The following HS6ST1 variants were observed in gnomAD, a reference collection of about 807,000 sequenced individuals.
HS6ST1 encodes the protein heparan-sulfate 6-O-sulfotransferase 1.
A neutral mutation model predicts 25.2 loss-of-function variants in HS6ST1; 3 were observed. The observed-to-expected ratio is 0.12, with a 90% CI of 0.05 to 0.31. The LOEUF (loss-of-function observed/expected upper bound fraction) is 0.31, where lower values mean the gene tolerates loss of function less well. Among genes scored for constraint, HS6ST1 ranks in the 10% least tolerant of loss-of-function variants. HS6ST1 has a pLI of 1.00. For synonymous variants in HS6ST1, 204 were observed against 275.1 expected (o/e 0.74, Z 2.56); for missense variants, 310 against 609.6 (o/e 0.51, Z 5.18).
chr2:128,291,855 G>A (rs1280035387), intron 1 of HS6ST1, among the ~76,000 whole-genome samples: 2 of 152,232 alleles, frequency 1.3e-5, no homozygotes, highest in Non-Finnish European at 1.5e-5. Context: ...TCTTCCCCAA[G>A]GGCATACACA....
At chr2:128,276,396 A>G (rs1476049561) in intron 1 of HS6ST1, among the ~76,000 whole-genome samples, 2 of 152,148 alleles carry the variant, frequency 1.3e-5, no homozygotes, top group East Asian at 3.9e-4. Flanking sequence ...TCGGCCTCCC[A>G]AAGTGTTGGG....
chr2:128,305,624 C>T (rs541771180), intron 1 of HS6ST1, among the ~76,000 whole-genome samples: 1 of 152,350 alleles, frequency 6.6e-6, no homozygotes, highest in Non-Finnish European at 1.5e-5. Context: ...CACTCTGGGG[C>T]CTACCTTCTC....
chr2:128,308,798 C>T (rs1694248179), intron 1 of HS6ST1, among the ~76,000 whole-genome samples: 1 of 152,236 alleles, frequency 6.6e-6, no homozygotes, highest in Non-Finnish European at 1.5e-5. Context: ...ACCCAACCTG[C>T]ACAGACTTCA....
At chr2:128,269,528 G>A (rs1223423436) in intron 1 of HS6ST1, among the ~76,000 whole-genome samples, 3 of 152,252 alleles carry the variant, frequency 2.0e-5, no homozygotes, top group African/African-American at 7.2e-5. Context: ...CGCGGCAGGA[G>A]CCCAGCATGA....
chr2:128,306,919 G>A (rs1282920070), intron 1 of HS6ST1, among the ~76,000 whole-genome samples: 1 of 152,296 alleles, frequency 6.6e-6, no homozygotes, highest in African/African-American at 2.4e-5. Flanking sequence ...CTGTCATGGG[G>A]GGAGGCTGAG....
Position 128,268,601 on chromosome 2 carries a change from G to A in HS6ST1, c.797C>T (p.Ser266Phe). 6.2e-7 allele frequency: 1 copy of A among 1,606,844 alleles called. No individual in the cohort carries two copies. The highest frequency in any genetic ancestry group is 1.1e-5 in the South Asian group (1 of 90,680). Residue 266 changes from serine to phenylalanine, a missense_variant, in exon 2 of 2, where the codon TCC becomes TTC. Around this residue, in one of 5 missense-constraint regions of HS6ST1, gnomAD observed 98 missense variants for 270.3 expected, o/e 0.36. Coordinates refer to ENST00000259241, the MANE Select transcript of HS6ST1 (RefSeq NM_004807.3). ...GGCCCGCTTGCCCTCGGGGATGAAG[G>A]ACAGGTTGTAGCAGCCCACCAGGCT... ...DLSLVGCYNL[S>F]FIPEGKRAQL...
In HS6ST1 at chr2:128,298,843, A is replaced by G. The variant is rs138197586; in HGVS notation, c.527+19194T>C. Among the ~76,000 whole-genome samples, 287 of 152,356 alleles carry G rather than the reference A, an allele frequency of 1.9e-3. 3 individuals are homozygous for G. Among genetic ancestry groups the G allele is most frequent in the African/African-American group, 6.5e-3 (272 of 41,584 alleles). ...ATACTTCACCACAATAAAAAACAAAAAAAGGCTTTCCCACAACGAGTGTCC... is the reference window on the plus strand; with the variant it reads ...ATACTTCACCACAATAAAAAACAAAGAAAGGCTTTCCCACAACGAGTGTCC... On this transcript the variant is annotated intron_variant, in intron 1 of 1. Transcript: ENST00000259241.
chr2:128,301,768 C>T (rs1186556065), intron 1 of HS6ST1, among the ~76,000 whole-genome samples: 2 of 152,150 alleles, frequency 1.3e-5, no homozygotes, highest in African/African-American at 4.8e-5. Flanking sequence ...TGGTTTGAAG[C>T]CTGCAGCTGA....
At chr2:128,272,167 AG>A (rs1002475568) in intron 1 of HS6ST1, among the ~76,000 whole-genome samples, 29 of 152,260 alleles carry the variant, frequency 1.9e-4, no homozygotes, top group Non-Finnish European at 3.8e-4. Flanking sequence ...TCTGCCGTGG[AG>A]GGGCTGGAGC....
chr2:128,270,081 G>T (rs924730034), intron 1 of HS6ST1, among the ~76,000 whole-genome samples: 3 of 152,224 alleles, frequency 2.0e-5, no homozygotes, highest in African/African-American at 7.2e-5. Flanking sequence ...CCCCAGGGGT[G>T]GCAGCTCTGA....
chr2:128,294,754 A>G (rs1276695566), intron 1 of HS6ST1, among the ~76,000 whole-genome samples: 1 of 151,448 alleles, frequency 6.6e-6, no homozygotes, highest in Non-Finnish European at 1.5e-5. Context: ...CCACCCTCCC[A>G]CACCCAGGCT....
intron 1 of HS6ST1, among the ~76,000 whole-genome samples, chr2:128,282,690 T>TGCCCCA (rs1300943063): frequency 6.6e-6 from 1 of 152,168 alleles, no homozygotes; most frequent in East Asian, 1.9e-4. Flanking sequence ...CCTCTGCAAC[T>TGCCCCA]GCCCCAGCCC....
Position 128,268,485 on chromosome 2 carries a change from C to G in HS6ST1, c.913G>C (p.Glu305Gln). 6.2e-7 allele frequency: 1 copy of G among 1,612,828 alleles called. No homozygotes were observed. The change falls in exon 2 of 2, where the codon GAG becomes CAG. Residue 305 changes from glutamate to glutamine, a missense_variant. Around this residue, in one of 5 missense-constraint regions of HS6ST1, gnomAD observed 140 missense variants for 176.5 expected, o/e 0.79. Coordinates refer to ENST00000259241, the MANE Select transcript of HS6ST1 (RefSeq NM_004807.3). Reference protein sequence around the residue: ...EFQRKTQYLFERTFNLKFIRP... With the variant: ...EFQRKTQYLFQRTFNLKFIRP... The stretch of plus-strand genomic sequence containing the variant: ...ATGAACTTGAGGTTGAACGTCCGCT[C>G]GAACAGGTACTGCGTCTTGCGCTGG...
At chr2:128,310,410 C>T (rs1031721456) in intron 1 of HS6ST1, among the ~76,000 whole-genome samples, 1 of 152,196 alleles carries the variant, frequency 6.6e-6, no homozygotes, top group South Asian at 2.1e-4. Flanking sequence ...AGGTCCTGAG[C>T]CCTAGAGGGA....
chr2:128,277,999 G>A (rs1448158051), intron 1 of HS6ST1, among the ~76,000 whole-genome samples: 1 of 152,228 alleles, frequency 6.6e-6, no homozygotes, highest in East Asian at 1.9e-4. Context: ...CTGTCAGGGC[G>A]TGGCCACTTC....
intron 1 of HS6ST1, among the ~76,000 whole-genome samples, chr2:128,299,938 T>C (rs1019802495): frequency 2.0e-5 from 3 of 152,116 alleles, no homozygotes; most frequent in Admixed American, 2.0e-4. Flanking sequence ...GTGGCTCTGG[T>C]GGGCAGAGGG....
At position 128,268,112 on chromosome 2, in the gene HS6ST1, G is replaced by A. The variant is rs1233217935; in HGVS notation, c.*50C>T. ...CTTGGGTGGACCTGTCGTCTGTCCT[G>A]TTTTATCCCCCACACCCCCCAAGAG... On this transcript the variant is annotated 3_prime_UTR_variant, in exon 2 of 2. Coordinates refer to ENST00000259241, the MANE Select transcript of HS6ST1 (RefSeq NM_004807.3). The A allele has an allele frequency of 5.1e-6, 7 of 1,378,068 alleles. No homozygotes were observed. The highest frequency in any genetic ancestry group is 7.1e-6 in the Non-Finnish European group (7 of 992,512). The allele number at this position is 1,378,068 out of a possible 1,614,324, so 85.4% of individuals were successfully genotyped here.
intron 1 of HS6ST1, among the ~76,000 whole-genome samples, chr2:128,305,467 G>A (rs992883588): frequency 1.3e-5 from 2 of 152,246 alleles, no homozygotes; most frequent in South Asian, 2.1e-4. Flanking sequence ...CCTGCCAGGA[G>A]GGAACAGAGG....
chr2:128,268,506 G>T lies in HS6ST1; in HGVS notation c.892C>A (p.Arg298Ser). The change falls in exon 2 of 2, where the codon CGC (arginine) becomes AGC (serine). Residue 298 changes from arginine (R) to serine (S), a missense_variant. Around this residue, in one of 5 missense-constraint regions of HS6ST1, gnomAD observed 140 missense variants for 176.5 expected, o/e 0.79. Coordinates refer to ENST00000259241, the MANE Select transcript of HS6ST1 (RefSeq NM_004807.3). ...MAFFGLTEFQ[R>S]KTQYLFERTF... ...CGCTCGAACAGGTACTGCGTCTTGC[G>T]CTGGAACTCGGTCAGGCCGAAGAAG... is the stretch of plus-strand genomic sequence containing the variant. 1 of 1,609,258 alleles carries T rather than the reference G, an allele frequency of 6.2e-7. No individual in the cohort carries two copies. The highest frequency in any genetic ancestry group is 1.1e-5 in the South Asian group (1 of 90,604).
Sources: allele counts gnomAD v4.1 joint callset (sites outside exome capture counted in the v4.1 genomes callset), GRCh38; gene constraint gnomAD v4.1.1; regional missense constraint gnomAD v4.1.1; transcripts MANE v1.5; gene names NCBI Gene and HGNC (gene_info 2026-07-23, HGNC 2026-07-21).